MAD1L1: variants seen among roughly 807,000 people sequenced by gnomAD.
MAD1L1 encodes the protein mitotic arrest deficient 1 like 1.
MAD1L1 carries 95 observed loss-of-function variants against 96.9 expected under a neutral mutation model. The observed-to-expected ratio is 0.98, with a 90% CI of 0.83 to 1.16. The LOEUF (loss-of-function observed/expected upper bound fraction) is 1.16. Ranked by LOEUF, MAD1L1 falls within the 50% of genes most tolerant of loss-of-function variation. The pLI, the probability that MAD1L1 is intolerant of heterozygous loss-of-function variation, is 0.00. For missense variants in MAD1L1, 1,007 were observed against 954.4 expected (o/e 1.06, Z -0.73); for synonymous variants, 473 against 396.6 (o/e 1.19, Z -2.29).
chr7:2,220,206 G>T (rs1793522031), intron 5 of MAD1L1, among the ~76,000 whole-genome samples: 1 of 152,196 alleles, frequency 6.6e-6, no homozygotes, highest in South Asian at 2.1e-4. Context: ...CGTGCGCTTG[G>T]AACGGGAGCA....
intron 18 of MAD1L1, chr7:1,847,755 A>T (rs1271250078): frequency 2.1e-6 from 1 of 467,272 alleles, no homozygotes; most frequent in Non-Finnish European, 4.4e-6. Flanking sequence ...CACGGAACAC[A>T]CTTGCTGCGT....
At chr7:2,222,874 A>G in intron 4 of MAD1L1, 120 bp from the exon 5 acceptor site, 1 of 804,414 alleles carries the variant, frequency 1.2e-6, no homozygotes, top group South Asian at 1.9e-5. Flanking sequence ...AGCAGGACCC[A>G]TGAGCCAAGT....
At chr7:2,141,118 C>T (rs3778998) in intron 11 of MAD1L1, among the ~76,000 whole-genome samples, 1 of 152,208 alleles carries the variant, frequency 6.6e-6, no homozygotes, top group African/African-American at 2.4e-5. Context: ...GACCCGGCCC[C>T]GTCATGAAGG....
At chr7:2,053,929 C>G (rs1455471079) in intron 12 of MAD1L1, among the ~76,000 whole-genome samples, 3 of 152,266 alleles carry the variant, frequency 2.0e-5, no homozygotes, top group African/African-American at 7.2e-5. Flanking sequence ...ATCTCAGCAG[C>G]ACCATCCAGA....
chr7:1,920,742 G>C (rs1788736656), intron 17 of MAD1L1, among the ~76,000 whole-genome samples: 2 of 152,240 alleles, frequency 1.3e-5, no homozygotes, highest in Non-Finnish European at 2.9e-5. Flanking sequence ...ACCAGTCCAT[G>C]AGGTGACGGA....
chr7:2,022,537 G>A (rs1157896992), intron 12 of MAD1L1, among the ~76,000 whole-genome samples: 1 of 145,140 alleles, frequency 6.9e-6, no homozygotes, highest in Admixed American at 6.8e-5. Flanking sequence ...GGCGACAAGA[G>A]CAAAACTCTG....
At chr7:1,917,426 G>A (rs1788479080) in intron 17 of MAD1L1, among the ~76,000 whole-genome samples, 1 of 152,174 alleles carries the variant, frequency 6.6e-6, no homozygotes, top group South Asian at 2.1e-4. Flanking sequence ...GGTGAAGGGC[G>A]CACCTCCCCT....
chr7:2,050,754 C>T (rs1784133299), intron 12 of MAD1L1, among the ~76,000 whole-genome samples: 1 of 151,970 alleles, frequency 6.6e-6, no homozygotes, highest in African/African-American at 2.4e-5. Flanking sequence ...GCTCAGTCCT[C>T]AGCAGGCCCA....
chr7:2,098,808 G>A lies in MAD1L1; in HGVS notation c.1074-29470C>T, dbSNP rs557321783. 1.6e-4 allele frequency among the ~76,000 whole-genome samples: 25 copies of A among 152,318 alleles called. No individual in the cohort carries two copies. In the East Asian group the frequency reaches 4.2e-3, roughly 26 times the overall value. Reference sequence around the variant, plus strand: ...CCACACGCCAGGCATCACGCACCAAGGCCCGGCGTCCCCAGAGGTGGGCCC... The same window carrying A: ...CCACACGCCAGGCATCACGCACCAAAGCCCGGCGTCCCCAGAGGTGGGCCC... On this transcript the variant is annotated intron_variant, in intron 11 of 18. Coordinates refer to ENST00000265854, the MANE Select transcript of MAD1L1 (RefSeq NM_001013836.2).
At chr7:2,130,679 C>T (rs533442586) in intron 11 of MAD1L1, among the ~76,000 whole-genome samples, 4 of 152,338 alleles carry the variant, frequency 2.6e-5, no homozygotes, top group African/African-American at 7.2e-5. Flanking sequence ...AGCGTGTCCG[C>T]GACTCTCTCT....
At chr7:2,189,054 G>T (rs1023050620) in intron 10 of MAD1L1, among the ~76,000 whole-genome samples, 3 of 152,088 alleles carry the variant, frequency 2.0e-5, no homozygotes, top group Non-Finnish European at 4.4e-5. Context: ...CACACAACTG[G>T]CCAAGGAGCA....
At chr7:2,004,035 G>A (rs955442867) in intron 13 of MAD1L1, among the ~76,000 whole-genome samples, 31 of 152,268 alleles carry the variant, frequency 2.0e-4, no homozygotes, top group South Asian at 2.1e-4. Context: ...ACAGGGAGCC[G>A]GGTCGGGGCA....
At chr7:1,878,334 T>C (rs1242567741) in intron 18 of MAD1L1, among the ~76,000 whole-genome samples, 1 of 152,110 alleles carries the variant, frequency 6.6e-6, no homozygotes, top group Non-Finnish European at 1.5e-5. Flanking sequence ...ATCATCCTGA[T>C]ACCAAGGCAA....
rs1785506511 is a variant in MAD1L1, at chr7:2,078,988, T to C, written c.1074-9650A>G. ...CCCCAGTCGGGCCAAGCAACAGCACTGCCACACAGGTGACACGTTCCATGT... is the reference window on the plus strand; with the variant it reads ...CCCCAGTCGGGCCAAGCAACAGCACCGCCACACAGGTGACACGTTCCATGT... On this transcript the variant is annotated intron_variant, in intron 11 of 18. Coordinates refer to ENST00000265854, the MANE Select transcript of MAD1L1 (RefSeq NM_001013836.2). Among the ~76,000 whole-genome samples the C allele has an allele frequency of 2.6e-5, 4 of 151,774 alleles. No homozygotes were observed. In the South Asian group the frequency reaches 8.3e-4, roughly 32 times the overall value.
At chr7:1,945,973 C>T (rs970118886) in intron 16 of MAD1L1, among the ~76,000 whole-genome samples, 2 of 152,186 alleles carry the variant, frequency 1.3e-5, no homozygotes, top group Non-Finnish European at 2.9e-5. Context: ...ACCAAGCCTC[C>T]AGCCCAGAGG....
chr7:2,031,490 A>G (rs1167748043), intron 12 of MAD1L1, among the ~76,000 whole-genome samples: 2 of 152,188 alleles, frequency 1.3e-5, no homozygotes, highest in Non-Finnish European at 2.9e-5. Context: ...TTTTACTTAC[A>G]TTTCACACTG....
At chr7:1,827,129 G>A (rs188329641) in intron 18 of MAD1L1, among the ~76,000 whole-genome samples, 6 of 152,320 alleles carry the variant, frequency 3.9e-5, no homozygotes, top group African/African-American at 7.2e-5. Context: ...AGTGGCATCC[G>A]CCACGGGCGG....
intron 15 of MAD1L1, among the ~76,000 whole-genome samples, chr7:1,976,968 G>T (rs970452092): frequency 3.9e-5 from 6 of 152,244 alleles, no homozygotes; most frequent in Non-Finnish European, 7.3e-5. Flanking sequence ...GACACAGATT[G>T]CTGATTGGTG....
At position 2,142,548 on chromosome 7, in the gene MAD1L1, G is replaced by C; in HGVS notation, c.1073+6604C>G. 6.6e-6 allele frequency among the ~76,000 whole-genome samples: 1 copy of C among 152,214 alleles called. No homozygotes were observed. The highest frequency in any genetic ancestry group is 2.1e-4 in the South Asian group (1 of 4,832). On this transcript the variant is annotated intron_variant, in intron 11 of 18. Transcript: ENST00000265854. The surrounding 1 kb of genome is among the most constrained non-coding windows in gnomAD (Gnocchi z 4.7). ...CGCCCCTAGCTGCCACTGAGCCCACGGTGAAGGGCACGGTGCCACCCAGAG... is the reference window on the plus strand; with the variant it reads ...CGCCCCTAGCTGCCACTGAGCCCACCGTGAAGGGCACGGTGCCACCCAGAG...
Sources: gnomAD v4.1 joint callset for allele counts (sites outside exome capture counted in the v4.1 genomes callset) on GRCh38, gnomAD v4.1.1 for gene constraint, Gnocchi (gnomAD v3.1) non-coding constraint, MANE v1.5 for transcripts, NCBI Gene and HGNC (gene_info 2026-07-23, HGNC 2026-07-21) for gene names.